Variants in GTF2H1 observed in about 807,000 individuals in gnomAD.
GTF2H1 encodes the protein BTF2 p62.
Under a neutral mutation model 71.2 loss-of-function variants are expected in GTF2H1, and 16 were observed. That is an observed-to-expected ratio of 0.22 (90% confidence interval 0.15 to 0.34). GTF2H1 has a LOEUF of 0.34. Among genes scored for constraint, GTF2H1 ranks in the 10% least tolerant of loss-of-function variants. GTF2H1 has a pLI of 1.00. For synonymous variants in GTF2H1, 215 were observed against 219.0 expected (o/e 0.98, Z 0.16); for missense variants, 498 against 648.2 (o/e 0.77, Z 2.52).
Position 18,339,624 on chromosome 11 carries a change from A to G in GTF2H1, c.574A>G (p.Ile192Val). 6.2e-7 allele frequency: 1 copy of G among 1,611,090 alleles called. No individual in the cohort carries two copies. The highest frequency in any genetic ancestry group is 1.1e-5 in the South Asian group (1 of 91,000). The change falls in exon 5 of 15, where the codon ATC becomes GTC. Residue 192 changes from isoleucine to valine, a missense_variant. Physicochemically the swap from Ile to Val is conservative, Grantham distance 29. Coordinates refer to ENST00000265963, the MANE Select transcript of GTF2H1 (RefSeq NM_005316.4). ...NGLRYNLTSDIIESIFRTYPA... is the reference protein window; with the variant it reads ...NGLRYNLTSDVIESIFRTYPA... ...TCTAAGATATAATTTAACTTCTGAT[A>G]TCATTGAGTCCATATTTAGGACCTA...
At chr11:18,349,882 G>A (rs1865386463) in intron 9 of GTF2H1, among the ~76,000 whole-genome samples, 1 of 152,140 alleles carries the variant, frequency 6.6e-6, no homozygotes, top group Admixed American at 6.5e-5. Flanking sequence ...ACTTAGATTA[G>A]CCTGTAGTTG....
chr11:18,337,557 C>A (rs139382931), intron 3 of GTF2H1, among the ~76,000 whole-genome samples: 2,920 of 152,200 alleles, frequency 0.019, 41 homozygotes, highest in Middle Eastern at 0.048. Context: ...TCCAGGAGTT[C>A]TACATCCACA....
Position 18,360,014 on chromosome 11 carries a change from C to T in GTF2H1, c.1468-601C>T, listed in dbSNP as rs117432049. On this transcript the variant is annotated intron_variant, in intron 13 of 14. Coordinates refer to ENST00000265963, the MANE Select transcript of GTF2H1 (RefSeq NM_005316.4). The stretch of plus-strand genomic sequence containing the variant: ...CCTGAGCCTAGAGAGGTCAAAGCTG[C>T]AGTGAGCCATGATGTTGCCACTGCA... 6.7e-3 allele frequency among the ~76,000 whole-genome samples: 1,020 copies of T among 152,012 alleles called. 5 individuals carry two copies. The highest frequency in any genetic ancestry group is 0.024 in the Middle Eastern group (7 of 294).
At chr11:18,325,847 TAAGTA>T (rs1182155886) in intron 1 of GTF2H1, 1 of 152,246 alleles carries the variant, frequency 6.6e-6, no homozygotes, top group African/African-American at 2.4e-5. Flanking sequence ...GACCATTTCA[TAAGTA>T]AATAGTCTTT....
chr11:18,323,672 C>T (rs1267702709), intron 1 of GTF2H1, among the ~76,000 whole-genome samples: 1 of 152,102 alleles, frequency 6.6e-6, no homozygotes, highest in Non-Finnish European at 1.5e-5. Context: ...AGGAGTGGAA[C>T]AATTTCTCCC....
chr11:18,323,164 T>C (rs1218421960), intron 1 of GTF2H1, among the ~76,000 whole-genome samples: 1 of 152,112 alleles, frequency 6.6e-6, no homozygotes, highest in Non-Finnish European at 1.5e-5. Context: ...CACGTGCCAG[T>C]CCACACACTC....
intron 4 of GTF2H1, among the ~76,000 whole-genome samples, chr11:18,338,779 A>T (rs1865091286): frequency 1.3e-5 from 2 of 151,960 alleles, no homozygotes; most frequent in African/African-American, 2.4e-5. Flanking sequence ...AATACATATA[A>T]TTTTTTTTAA....
chr11:18,328,984 AT>A (rs1232270633), intron 1 of GTF2H1, among the ~76,000 whole-genome samples: 16 of 152,248 alleles, frequency 1.1e-4, no homozygotes, highest in Non-Finnish European at 2.2e-4. Context: ...GGTATCGTTT[AT>A]TAAGAATTGT....
rs752029873 is a variant in GTF2H1 at position 18,344,018 on chromosome 11, G to T, written c.837+2411G>T. Reference sequence around the variant, plus strand: ...TAATTTTATTTTTTGTAGAGACAGGGTCTCCCTATATTTCCCAGGCTGGTC... The same window carrying T: ...TAATTTTATTTTTTGTAGAGACAGGTTCTCCCTATATTTCCCAGGCTGGTC... On this transcript the variant is annotated intron_variant, in intron 7 of 14. Coordinates refer to ENST00000265963, the MANE Select transcript of GTF2H1 (RefSeq NM_005316.4). Among the ~76,000 whole-genome samples the T allele has an allele frequency of 7.3e-4, 111 of 152,184 alleles. 1 individual carries two copies. The highest frequency in any genetic ancestry group is 1.3e-4 in the Non-Finnish European group (9 of 67,994).
rs200213892 is a variant in GTF2H1 at position 18,351,956 on chromosome 11, A to C, written c.1129A>C (p.Lys377Gln). The stretch of plus-strand genomic sequence containing the variant: ...TGTAAAAACGATTGCACTAAACCTC[A>C]AGAAGTCAGATAGGTAAGTTTGGTC... ...NSVKTIALNL[K>Q]KSDRYYHGPT... is the part of the protein sequence containing the mutation. Residue 377 changes from lysine (K) to glutamine (Q), a missense_variant, in exon 10 of 15, where the codon AAG becomes CAG. Lys to Gln is a moderately conservative substitution (Grantham distance 53, BLOSUM62 1). Transcript: ENST00000265963. The C allele has an allele frequency of 2.5e-6, 4 of 1,578,020 alleles. No homozygotes were observed. The highest frequency in any genetic ancestry group is 3.5e-6 in the Non-Finnish European group (4 of 1,147,446).
At chr11:18,355,011 T>C in intron 11 of GTF2H1, among the ~76,000 whole-genome samples, 1 of 152,084 alleles carries the variant, frequency 6.6e-6, no homozygotes, top group Non-Finnish European at 1.5e-5. Context: ...GGTTTTGCCA[T>C]GTTGCCCAGG....
intron 9 of GTF2H1, among the ~76,000 whole-genome samples, chr11:18,350,029 C>T (rs1400140108): frequency 6.6e-6 from 1 of 152,198 alleles, no homozygotes; most frequent in African/African-American, 2.4e-5. Flanking sequence ...ATCACTTTGA[C>T]ACCATCATAA....
intron 2 of GTF2H1, among the ~76,000 whole-genome samples, chr11:18,333,882 T>C (rs994093202): frequency 2.0e-5 from 3 of 152,238 alleles, no homozygotes; most frequent in Non-Finnish European, 4.4e-5. Context: ...TTTGCTTATG[T>C]GGCCATCTTC....
intron 13 of GTF2H1, among the ~76,000 whole-genome samples, chr11:18,360,225 CA>C (rs1382484631): frequency 3.3e-5 from 4 of 119,820 alleles, no homozygotes; most frequent in Admixed American, 8.7e-5. Flanking sequence ...TGGGTTCAAC[CA>C]ATTTTCCTGC....
intron 13 of GTF2H1, 113 bp from the exon 14 acceptor site, chr11:18,360,502 A>T: frequency 1.8e-6 from 1 of 548,614 alleles, no homozygotes; most frequent in South Asian, 2.7e-5. Flanking sequence ...TTTTATTTTT[A>T]CATTTAAAAA....
intron 9 of GTF2H1, among the ~76,000 whole-genome samples, chr11:18,350,371 G>T (rs1865395999): frequency 6.6e-6 from 1 of 151,984 alleles, no homozygotes. Context: ...CTTGACATAT[G>T]TCAAAAATCA....
chr11:18,325,854 A>G (rs192609927), intron 1 of GTF2H1: 1 of 152,356 alleles, frequency 6.6e-6, no homozygotes, highest in Admixed American at 6.5e-5. Context: ...TCATAAGTAA[A>G]TAGTCTTTTA....
intron 2 of GTF2H1, 77 bp from the exon 3 acceptor site, chr11:18,335,677 T>G: frequency 9.7e-7 from 1 of 1,027,182 alleles, no homozygotes; most frequent in East Asian, 2.4e-5. Flanking sequence ...TGAATCATCT[T>G]GGGAGAAGTA....
At chr11:18,344,550 C>T (rs577022718) in intron 7 of GTF2H1, among the ~76,000 whole-genome samples, 5 of 143,138 alleles carry the variant, frequency 3.5e-5, no homozygotes, top group African/African-American at 1.3e-4. Flanking sequence ...ACCGGGGAGG[C>T]AGAGGCTGCA....
Sources: gnomAD v4.1 joint callset for allele counts (sites outside exome capture counted in the v4.1 genomes callset) on GRCh38, gnomAD v4.1.1 for gene constraint, MANE v1.5 for transcripts, NCBI Gene and HGNC (gene_info 2026-07-23, HGNC 2026-07-21) for gene names.